ZBTB38: variants seen among roughly 807,000 people sequenced by gnomAD.
ZBTB38 encodes the protein zinc finger and BTB domain containing 38.
In ZBTB38, 20 loss-of-function variants were observed where a neutral mutation model predicts 76.8. That is an observed-to-expected ratio of 0.26 (90% CI 0.18 to 0.38). ZBTB38 has a LOEUF of 0.38. Among genes scored for constraint, ZBTB38 ranks in the 10% least tolerant of loss-of-function variants. The pLI, the probability that ZBTB38 is intolerant of heterozygous loss-of-function variation, is 1.00. For synonymous variants in ZBTB38, 504 were observed against 544.2 expected, an observed-to-expected ratio of 0.93 and a Z score of 1.03; for missense variants, 1,082 against 1,482.3, an observed-to-expected ratio of 0.73 and a Z score of 4.43.
At chr3:141,402,700 G>GTGGGT (rs1952656874) in intron 4 of ZBTB38, 2 of 152,098 alleles carry the variant, frequency 1.3e-5, no homozygotes, top group Non-Finnish European at 1.5e-5. Flanking sequence ...GCGGGGCGGG[G>GTGGGT]TGGGTTCGGC....
intron 4 of ZBTB38, among the ~76,000 whole-genome samples, chr3:141,395,260 A>G (rs749375429): frequency 6.6e-6 from 1 of 152,232 alleles, no homozygotes; most frequent in Admixed American, 6.5e-5. Context: ...ATTGGTTAAC[A>G]TCAGGTTACT....
chr3:141,446,168 G>A lies in ZBTB38; in HGVS notation c.*192G>A. ...GGTTTTAGCATTAACTTTATGCAAA[G>A]TGCACAAAAACAAAATAGCTGACTC... On this transcript the variant is annotated 3_prime_UTR_variant, in exon 6 of 6. Coordinates refer to ENST00000321464, the MANE Select transcript of ZBTB38 (RefSeq NM_001376113.1). 2.2e-6 allele frequency: 1 copy of A among 463,722 alleles called. No homozygotes were observed. The allele number at this position is 463,722 out of a possible 1,614,324, so 28.7% of individuals were successfully genotyped here.
Position 141,448,778 on chromosome 3 carries a change from T to C in ZBTB38, c.*2802T>C, listed in dbSNP as rs1294651469. ...CATCTGTGTGAGTCACAGCTTTGTT[T>C]CCACGTATTATTCAGTTTATTTCTG... is the stretch of plus-strand genomic sequence containing the variant. On this transcript the variant is annotated 3_prime_UTR_variant, in exon 6 of 6. Coordinates refer to ENST00000321464, the MANE Select transcript of ZBTB38 (RefSeq NM_001376113.1). 6.6e-6 allele frequency: 1 copy of C among 152,250 alleles called. No homozygotes were observed. The highest frequency in any genetic ancestry group is 1.5e-5 in the Non-Finnish European group (1 of 68,044). The allele number at this position is 152,250 out of a possible 1,614,324, so 9.4% of individuals were successfully genotyped here.
chr3:141,341,102 G>A (rs1943185159), intron 1 of ZBTB38, among the ~76,000 whole-genome samples: 1 of 152,134 alleles, frequency 6.6e-6, no homozygotes. Flanking sequence ...ACCACAGTAA[G>A]ATACCACTTC....
chr3:141,398,286 T>C (rs2149476807), intron 4 of ZBTB38, among the ~76,000 whole-genome samples: 1 of 152,330 alleles, frequency 6.6e-6, no homozygotes, highest in East Asian at 1.9e-4. Flanking sequence ...GTTGAATGAG[T>C]CGCCAATATT....
At chr3:141,431,984 TA>T in intron 5 of ZBTB38, 1 of 599,006 alleles carries the variant, frequency 1.7e-6, no homozygotes, top group South Asian at 7.4e-5. Flanking sequence ...TTCTGTTTTG[TA>T]ATCTGTTTTC....
chr3:141,359,272 AT>A (rs1291168217), intron 1 of ZBTB38, among the ~76,000 whole-genome samples: 3 of 152,292 alleles, frequency 2.0e-5, no homozygotes, highest in East Asian at 3.9e-4. Flanking sequence ...TCTTCATACA[AT>A]TGCCTACAGA....
chr3:141,392,026 C>A (rs1211226195), intron 4 of ZBTB38, among the ~76,000 whole-genome samples: 1 of 152,142 alleles, frequency 6.6e-6, no homozygotes, highest in Admixed American at 6.5e-5. Context: ...GGTCAGGGAA[C>A]AAAGGGAGAA....
chr3:141,442,292 T>C lies in ZBTB38; in HGVS notation c.1-97T>C, dbSNP rs553074366. On this transcript the variant is annotated intron_variant, in intron 5 of 5. Coordinates refer to ENST00000321464, the MANE Select transcript of ZBTB38 (RefSeq NM_001376113.1). The surrounding 1 kb of genome is among the most constrained non-coding windows in gnomAD (Gnocchi z 6.4). ...AATGAGATAAAAACCTGAAGTTTCA[T>C]ACAAAAGAACAGTTTTTCACAGAAG... is the stretch of plus-strand genomic sequence containing the variant. 1.8e-5 allele frequency: 17 copies of C among 919,914 alleles called. No individual in the cohort carries two copies. The South Asian group carries it at 2.4e-4, about 13-fold the overall frequency. The allele number at this position is 919,914 out of a possible 1,614,324, so 57.0% of individuals were successfully genotyped here. A position where few individuals can be genotyped will look rare whatever the true frequency, so the allele number is the denominator to read the frequency against.
In ZBTB38 at chr3:141,446,017, G is replaced by GT. The variant is rs202059291; in HGVS notation, c.*48dup. The GT allele has an allele frequency of 1.2e-3, 1,834 of 1,482,206 alleles. 18 individuals carry two copies. The African/African-American group carries it at 0.023, about 18-fold the overall frequency. 91.8% of individuals were successfully genotyped at this position (1,482,206 alleles called of 1,614,324 possible). On this transcript the variant is annotated 3_prime_UTR_variant, in exon 6 of 6. Transcript: ENST00000321464. Reference sequence around the variant, plus strand: ...AAAATCTTCAAAAATATAGTTGGTGGTTTTTTTAGTTATGATTTAAGTTTA... The same window carrying GT: ...AAAATCTTCAAAAATATAGTTGGTGGTTTTTTTTAGTTATGATTTAAGTTTA...
chr3:141,440,750 A>G (rs1222995697), intron 5 of ZBTB38, among the ~76,000 whole-genome samples: 1 of 152,114 alleles, frequency 6.6e-6, no homozygotes, highest in Non-Finnish European at 1.5e-5. Flanking sequence ...TCTTTAAAAG[A>G]AAAGGCTGGG....
In ZBTB38 at chr3:141,444,990, T is replaced by C. The variant is rs2080901581; in HGVS notation, c.2602T>C (p.Tyr868His). ...LFYKRGRRPK[Y>H]QMQEEPLPQG... ...TTATAAAAGAGGGAGAAGACCCAAG[T>C]ATCAGATGCAGGAGGAGCCTTTGCC... The change falls in exon 6 of 6, where the codon TAT becomes CAT. Residue 868 changes from tyrosine to histidine, a missense_variant. Around this residue, in one of 8 missense-constraint regions of ZBTB38, gnomAD observed 471 missense variants for 581.0 expected, o/e 0.81. Coordinates refer to ENST00000321464, the MANE Select transcript of ZBTB38 (RefSeq NM_001376113.1). This position sits in a 1 kb window ranked among gnomAD's most constrained non-coding sequence, Gnocchi z 5.1. The C allele has an allele frequency of 6.2e-7, 1 of 1,614,076 alleles. No individual in the cohort carries two copies. The highest frequency in any genetic ancestry group is 1.3e-5 in the African/African-American group (1 of 75,006).
intron 5 of ZBTB38, among the ~76,000 whole-genome samples, chr3:141,424,453 C>A (rs2076010813): frequency 1.3e-5 from 2 of 152,130 alleles, no homozygotes; most frequent in Non-Finnish European, 2.9e-5. Flanking sequence ...CCAGGAGTTC[C>A]AGGCCACAGT....
At chr3:141,410,515 G>T (rs991960244) in intron 5 of ZBTB38, among the ~76,000 whole-genome samples, 4 of 152,180 alleles carry the variant, frequency 2.6e-5, no homozygotes, top group African/African-American at 7.2e-5. Flanking sequence ...AAAAAGGCAG[G>T]TTATCAGAAG....
At chr3:141,355,695 C>T (rs1313591212) in intron 1 of ZBTB38, among the ~76,000 whole-genome samples, 1 of 152,108 alleles carries the variant, frequency 6.6e-6, no homozygotes, top group African/African-American at 2.4e-5. Context: ...CCCAAACACC[C>T]ACCTCCCACA....
chr3:141,359,906 G>A (rs573102645), intron 1 of ZBTB38, among the ~76,000 whole-genome samples: 2 of 152,202 alleles, frequency 1.3e-5, no homozygotes, highest in South Asian at 4.1e-4. Flanking sequence ...ACTCCAGCCT[G>A]GGCAACAGAG....
rs574811617 is a variant in ZBTB38 at position 141,401,993 on chromosome 3, A to T, written c.-105-1934A>T. ...TCCAGTGTGCATAGTCTCGAACAGGAGCCCACGGACCCTTCTGCGGCCCGA... is the reference window on the plus strand; with the variant it reads ...TCCAGTGTGCATAGTCTCGAACAGGTGCCCACGGACCCTTCTGCGGCCCGA... On this transcript the variant is annotated intron_variant, in intron 4 of 5. Coordinates refer to ENST00000321464, the MANE Select transcript of ZBTB38 (RefSeq NM_001376113.1). Among the ~76,000 whole-genome samples, 20 of 152,330 alleles carry T rather than the reference A, an allele frequency of 1.3e-4. No individual in the cohort carries two copies. In the South Asian group the frequency reaches 3.7e-3, roughly 28 times the overall value.
intron 1 of ZBTB38, among the ~76,000 whole-genome samples, chr3:141,337,031 T>C (rs1559911831): frequency 6.6e-6 from 1 of 152,250 alleles, no homozygotes; most frequent in Non-Finnish European, 1.5e-5. Flanking sequence ...AAACAAATCC[T>C]ATAGATAAAG....
chr3:141,422,924 TC>T (rs1430382164), intron 5 of ZBTB38, among the ~76,000 whole-genome samples: 3 of 152,238 alleles, frequency 2.0e-5, no homozygotes, highest in African/African-American at 7.2e-5. Context: ...TAGGTTTTTT[TC>T]ACTGTACCAA....
Sources: gnomAD v4.1 joint callset for allele counts (sites outside exome capture counted in the v4.1 genomes callset) on GRCh38, gnomAD v4.1.1 for gene constraint, gnomAD v4.1.1 regional missense constraint, Gnocchi (gnomAD v3.1) non-coding constraint, MANE v1.5 for transcripts, NCBI Gene and HGNC (gene_info 2026-07-23, HGNC 2026-07-21) for gene names.